The following NME7 variants were observed in gnomAD, a reference collection of about 807,000 sequenced individuals.
NME7 encodes the protein NME/NM23 family member 7, also known as nucleoside diphosphate kinase 7.
Under a neutral mutation model 49.1 loss-of-function variants are expected in NME7, and 41 were observed. That is an observed-to-expected ratio of 0.83 (90% CI 0.65 to 1.08). The LOEUF (loss-of-function observed/expected upper bound fraction) is 1.08. Among genes scored for constraint, NME7 ranks in the 50% least tolerant of loss-of-function variants. The probability of loss-of-function intolerance (pLI) is 0.00; values close to 1 mark genes in which losing one functional copy is unlikely to be tolerated. For missense variants in NME7, 423 were observed against 463.4 expected, an observed-to-expected ratio of 0.91 and a Z score of 0.80; for synonymous variants, 139 against 150.6, an observed-to-expected ratio of 0.92 and a Z score of 0.56.
intron 11 of NME7, among the ~76,000 whole-genome samples, chr1:169,167,027 C>A (rs1442118917): frequency 6.6e-6 from 1 of 152,088 alleles, no homozygotes; most frequent in East Asian, 1.9e-4. Context: ...TAACCAAGAA[C>A]ACTTTTGTAA....
Position 169,305,116 on chromosome 1 carries a change from T to A in NME7, c.390-1921A>T, listed in dbSNP as rs553359060. ...CAACATGTCCCTGATTCCATAGTTA[T>A]CTCCATTCAAAATCTAAAATTGAAA... On this transcript the variant is annotated intron_variant, in intron 4 of 11. Transcript: ENST00000367811. 2.0e-4 allele frequency among the ~76,000 whole-genome samples: 30 copies of A among 152,352 alleles called. No homozygotes were observed. The South Asian group carries it at 5.8e-3, about 29-fold the overall frequency.
chr1:169,208,412 C>G (rs1439882367), intron 10 of NME7, among the ~76,000 whole-genome samples: 3 of 152,064 alleles, frequency 2.0e-5, no homozygotes, highest in African/African-American at 7.2e-5. Flanking sequence ...GACAAAAATA[C>G]TTCAGGCCAA....
At chr1:169,188,151 C>A (rs1660125493) in intron 10 of NME7, among the ~76,000 whole-genome samples, 1 of 152,118 alleles carries the variant, frequency 6.6e-6, no homozygotes, top group Non-Finnish European at 1.5e-5. Flanking sequence ...TGTTGGTAAC[C>A]CGACCTTTCT....
At chr1:169,334,437 A>C (rs1429325374) in intron 1 of NME7, among the ~76,000 whole-genome samples, 3 of 152,224 alleles carry the variant, frequency 2.0e-5, no homozygotes, top group African/African-American at 4.8e-5. Flanking sequence ...ATCTTTGACA[A>C]ACCTGACAAA....
At chr1:169,246,073 C>A (rs1375610585) in intron 7 of NME7, among the ~76,000 whole-genome samples, 1 of 151,960 alleles carries the variant, frequency 6.6e-6, no homozygotes. Flanking sequence ...TATATTAAAT[C>A]AATTGCAGAC....
intron 7 of NME7, among the ~76,000 whole-genome samples, chr1:169,260,445 AT>A (rs202214804): frequency 1.5e-5 from 2 of 132,624 alleles, no homozygotes; most frequent in Non-Finnish European, 3.5e-5. Flanking sequence ...AACTTGAATC[AT>A]TTTTTCAAGT....
chr1:169,278,915 C>A (rs4300284), intron 7 of NME7, among the ~76,000 whole-genome samples: 96,297 of 151,942 alleles, frequency 0.63, 30,823 homozygotes, highest in East Asian at 0.92. Flanking sequence ...CAGGACCCTC[C>A]GCTGCAGGTC....
intron 1 of NME7, among the ~76,000 whole-genome samples, chr1:169,363,332 G>A (rs1653727582): frequency 6.6e-6 from 1 of 152,086 alleles, no homozygotes; most frequent in Non-Finnish European, 1.5e-5. Context: ...TGTGGATCAG[G>A]ACTCACAGTA....
intron 10 of NME7, among the ~76,000 whole-genome samples, chr1:169,183,652 A>T (rs1216022953): frequency 1.3e-5 from 2 of 151,954 alleles, no homozygotes; most frequent in African/African-American, 4.8e-5. Flanking sequence ...ATACAAAAAA[A>T]TTAGCCGGGC....
At chr1:169,310,122 C>G in intron 3 of NME7, 42 bp from the exon 4 acceptor site, 1 of 1,206,444 alleles carries the variant, frequency 8.3e-7, no homozygotes, top group Non-Finnish European at 1.2e-6. Flanking sequence ...AAAAATAGTT[C>G]AACAGTTTTT....
At chr1:169,209,757 C>T (rs1660762930) in intron 10 of NME7, among the ~76,000 whole-genome samples, 1 of 152,062 alleles carries the variant, frequency 6.6e-6, no homozygotes, top group African/African-American at 2.4e-5. Context: ...CCTAAGCAAT[C>T]TCTTTAGTTA....
intron 10 of NME7, among the ~76,000 whole-genome samples, chr1:169,170,845 T>C (rs2101845845): frequency 6.6e-6 from 1 of 152,246 alleles, no homozygotes; most frequent in African/African-American, 2.4e-5. Flanking sequence ...GAGAATCACC[T>C]GAACCTGGGA....
At chr1:169,354,059 C>G (rs1216547899) in intron 1 of NME7, among the ~76,000 whole-genome samples, 1 of 151,910 alleles carries the variant, frequency 6.6e-6, no homozygotes, top group Non-Finnish European at 1.5e-5. Context: ...GGGTCTATAC[C>G]CAAAAGAAAT....
intron 7 of NME7, among the ~76,000 whole-genome samples, chr1:169,282,490 G>T (rs1213950122): frequency 1.1e-4 from 17 of 151,950 alleles, no homozygotes; most frequent in Non-Finnish European, 1.5e-5. Flanking sequence ...TCTTCTGCTA[G>T]CTTTTGAATT....
At chr1:169,279,289 A>T (rs980624104) in intron 7 of NME7, among the ~76,000 whole-genome samples, 2 of 152,208 alleles carry the variant, frequency 1.3e-5, no homozygotes, top group African/African-American at 4.8e-5. Context: ...CTGCCCCCAG[A>T]GGTGGAGCCT....
intron 10 of NME7, among the ~76,000 whole-genome samples, chr1:169,197,545 G>T (rs557741061): frequency 2.0e-5 from 3 of 152,102 alleles, no homozygotes; most frequent in African/African-American, 7.2e-5. Context: ...TGAGAGCTCA[G>T]AAATAAATAT....
chr1:169,142,640 T>C (rs1045823716), intron 11 of NME7, among the ~76,000 whole-genome samples: 2 of 152,172 alleles, frequency 1.3e-5, no homozygotes, highest in African/African-American at 4.8e-5. Context: ...CACTAAGCCA[T>C]GCAATTTTAG....
At chr1:169,140,774 G>T (rs1365230615) in intron 11 of NME7, among the ~76,000 whole-genome samples, 7 of 148,690 alleles carry the variant, frequency 4.7e-5, no homozygotes, top group African/African-American at 7.4e-5. Flanking sequence ...TAGATATAAA[G>T]ACCAGTTCTC....
chr1:169,307,627 C>T (rs1311760667), intron 4 of NME7, among the ~76,000 whole-genome samples: 1 of 152,122 alleles, frequency 6.6e-6, no homozygotes, highest in Non-Finnish European at 1.5e-5. Context: ...AGCATCTTTA[C>T]CACAGGAAGT....
Sources: gnomAD v4.1 joint callset for allele counts (sites outside exome capture counted in the v4.1 genomes callset) on GRCh38, gnomAD v4.1.1 for gene constraint, MANE v1.5 for transcripts, NCBI Gene and HGNC (gene_info 2026-07-23, HGNC 2026-07-21) for gene names.